The following RGS9 variants were observed in gnomAD, a reference collection of about 807,000 sequenced individuals.
RGS9 encodes regulator of G-protein signalling 9.
Under a neutral mutation model 102.0 loss-of-function variants are expected in RGS9, and 78 were observed. That is an observed-to-expected ratio of 0.76 (90% CI 0.64 to 0.92). RGS9 has a LOEUF of 0.92. Among genes scored for constraint, RGS9 ranks in the 40% least tolerant of loss-of-function variants. The probability of loss-of-function intolerance (pLI) is 0.00; values close to 1 mark genes in which losing one functional copy is unlikely to be tolerated. For synonymous variants in RGS9, 353 were observed against 318.6 expected, an observed-to-expected ratio of 1.11 and a Z score of -1.15; for missense variants, 833 against 866.1, an observed-to-expected ratio of 0.96 and a Z score of 0.48.
At chr17:65,195,550 C>G (rs1912552161) in intron 12 of RGS9, among the ~76,000 whole-genome samples, 1 of 152,040 alleles carries the variant, frequency 6.6e-6, no homozygotes, top group African/African-American at 2.4e-5. Context: ...CGTTTTTAGT[C>G]TTATATCCCT....
intron 1 of RGS9, among the ~76,000 whole-genome samples, chr17:65,140,510 G>T (rs1910116681): frequency 6.6e-6 from 1 of 152,142 alleles, no homozygotes; most frequent in Admixed American, 6.5e-5. Flanking sequence ...TTAAAGGTTT[G>T]GTTTTATCTC....
intron 1 of RGS9, among the ~76,000 whole-genome samples, chr17:65,150,836 C>T (rs535985254): frequency 3.0e-4 from 46 of 152,270 alleles, no homozygotes; most frequent in Non-Finnish European, 5.0e-4. Context: ...GCCTGGATGT[C>T]GAATGACCAG....
intron 1 of RGS9, among the ~76,000 whole-genome samples, chr17:65,144,213 T>C (rs1910267844): frequency 6.6e-6 from 1 of 152,190 alleles, no homozygotes; most frequent in Non-Finnish European, 1.5e-5. Context: ...CGGTTCTGGG[T>C]CACTTTTCCC....
At chr17:65,146,323 C>T (rs776273118) in intron 1 of RGS9, among the ~76,000 whole-genome samples, 1 of 152,214 alleles carries the variant, frequency 6.6e-6, no homozygotes, top group South Asian at 2.1e-4. Flanking sequence ...GGCGTGGTGG[C>T]TCACGCCTGT....
intron 7 of RGS9, 90 bp from the exon 8 acceptor site, chr17:65,168,110 A>G: frequency 2.5e-6 from 2 of 804,058 alleles, no homozygotes; most frequent in East Asian, 5.3e-5. Flanking sequence ...GCAGGTTGGG[A>G]GAGGGGTCTA....
chr17:65,193,767 C>G, intron 12 of RGS9, 111 bp downstream of exon 12: 2 of 713,176 alleles, frequency 2.8e-6, no homozygotes, highest in Non-Finnish European at 5.0e-6. Flanking sequence ...TTATTATATT[C>G]ATAGAGCTAC....
chr17:65,177,638 A>G (rs9896245), intron 8 of RGS9, 94 bp from the exon 9 acceptor site: 325,755 of 1,218,292 alleles, frequency 0.27, 55,969 homozygotes, highest in African/African-American at 0.76. Flanking sequence ...TTCTCAGCTC[A>G]ATCTCACAAT....
chr17:65,171,121 A>G (rs1911404730), intron 8 of RGS9, among the ~76,000 whole-genome samples: 2 of 152,266 alleles, frequency 1.3e-5, no homozygotes, highest in Non-Finnish European at 1.5e-5. Context: ...TGTAACCAAC[A>G]GTTGTAGAGT....
At chr17:65,198,213 A>C (rs1912670442) in intron 13 of RGS9, among the ~76,000 whole-genome samples, 1 of 151,462 alleles carries the variant, frequency 6.6e-6, no homozygotes, top group Non-Finnish European at 1.5e-5. Flanking sequence ...GGGCAGGGCC[A>C]CATTTTGTCC....
At chr17:65,190,526 C>T (rs985556304) in intron 11 of RGS9, among the ~76,000 whole-genome samples, 5 of 152,122 alleles carry the variant, frequency 3.3e-5, no homozygotes, top group South Asian at 4.2e-4. Flanking sequence ...GTTGGAAGTC[C>T]GTGGACTGTA....
At chr17:65,227,128 T>C in intron 18 of RGS9, 147 bp from the exon 19 acceptor site, 2 of 943,426 alleles carry the variant, frequency 2.1e-6, no homozygotes. Context: ...AGTCAAATGC[T>C]CTACCCCTGA....
chr17:65,181,253 A>T (rs1911874204), intron 9 of RGS9, among the ~76,000 whole-genome samples: 1 of 152,236 alleles, frequency 6.6e-6, no homozygotes, highest in Non-Finnish European at 1.5e-5. Context: ...AACTAATTTC[A>T]TTCCCACCAG....
In RGS9 at chr17:65,188,804, G is replaced by A. The variant is rs548922977; in HGVS notation, c.655-482G>A. ...ATTTTTTTGTACTTTTAGTAAAGAC[G>A]GGGTTTTGTCATGTTGCTCGGGCTA... On this transcript the variant is annotated intron_variant, in intron 9 of 18. Coordinates refer to ENST00000262406, the MANE Select transcript of RGS9 (RefSeq NM_003835.4). The A allele has an allele frequency of 4.0e-5, 7 of 177,144 alleles. No homozygotes were observed. In the East Asian group the frequency reaches 4.4e-4, roughly 11 times the overall value. 11.0% of individuals were successfully genotyped at this position (177,144 alleles called of 1,614,324 possible).
chr17:65,138,947 C>A, intron 1 of RGS9, among the ~76,000 whole-genome samples: 1 of 148,488 alleles, frequency 6.7e-6, no homozygotes, highest in African/African-American at 2.5e-5. Context: ...AGGCTTCCCT[C>A]CTCCTCCCCA....
In RGS9 at chr17:65,137,479, T is replaced by G; in HGVS notation, c.-62T>G. The G allele has an allele frequency of 6.4e-7, 1 of 1,555,562 alleles. No individual in the cohort carries two copies. Among genetic ancestry groups the G allele is most frequent in the Non-Finnish European group, 8.8e-7 (1 of 1,134,200 alleles). On this transcript the variant is annotated 5_prime_UTR_variant, in exon 1 of 19. Coordinates refer to ENST00000262406, the MANE Select transcript of RGS9 (RefSeq NM_003835.4). Reference sequence around the variant, plus strand: ...GGCGAGCCAGGCTGCCTTTCGAACTTGGGGGGCTTCTCCTCTTGTCTCCCA... The same window carrying G: ...GGCGAGCCAGGCTGCCTTTCGAACTGGGGGGGCTTCTCCTCTTGTCTCCCA...
Position 65,225,021 on chromosome 17 carries a change from C to T in RGS9, c.1427C>T (p.Pro476Leu). 2 of 1,613,948 alleles carry T rather than the reference C, an allele frequency of 1.2e-6. No homozygotes were observed. Among genetic ancestry groups the T allele is most frequent in the Admixed American group, 1.7e-5 (1 of 60,022 alleles). ...CTACAGCCGGGCCAGCACATGGCTC[C>T]CAGCCCCCATCTGACCGTGTACACC... ...DITQPGQHMA[P>L]SPHLTVYTGT... Residue 476 changes from proline (P) to leucine (L), a missense_variant, in exon 18 of 19, where the codon CCC becomes CTC. Pro to Leu is a moderately conservative substitution (Grantham distance 98, BLOSUM62 -3). Transcript: ENST00000262406.
chr17:65,176,217 T>C (rs555873884), intron 8 of RGS9, among the ~76,000 whole-genome samples: 13 of 152,348 alleles, frequency 8.5e-5, no homozygotes, highest in African/African-American at 3.1e-4. Flanking sequence ...TAAGATTTTC[T>C]GGAGAGCTGG....
Position 65,168,287 on chromosome 17 carries a change from T to G in RGS9, c.582+6T>G. On this transcript the variant is annotated splice_donor_region_variant and intron_variant, in intron 8 of 18. Transcript: ENST00000262406. ...GGCTGGTGCACCGATGCCCTGTGAG[T>G]ATCCTCCTGCCTGGTGTCCTCTGTC... The G allele has an allele frequency of 6.3e-7, 1 of 1,596,930 alleles. No homozygotes were observed. Among genetic ancestry groups the G allele is most frequent in the Non-Finnish European group, 8.6e-7 (1 of 1,167,904 alleles).
At chr17:65,227,158 C>T (rs1348039652) in intron 18 of RGS9, 117 bp from the exon 19 acceptor site, 1 of 1,414,936 alleles carries the variant, frequency 7.1e-7, no homozygotes, top group Non-Finnish European at 1.0e-6. Context: ...GCCCCCACCA[C>T]AGTCTTTGGC....
Sources: gnomAD v4.1 joint callset for allele counts (sites outside exome capture counted in the v4.1 genomes callset) on GRCh38, gnomAD v4.1.1 for gene constraint, MANE v1.5 for transcripts, NCBI Gene and HGNC (gene_info 2026-07-23, HGNC 2026-07-21) for gene names.